Variants in DOCK10 observed in about 807,000 individuals in gnomAD.
The protein encoded by DOCK10 is dedicator of cytokinesis protein 10.
Under a neutral mutation model 280.1 loss-of-function variants are expected in DOCK10, and 145 were observed. The ratio of observed to expected loss-of-function variants is 0.52; its 90% CI spans 0.45 to 0.59. The LOEUF (loss-of-function observed/expected upper bound fraction) is 0.59. DOCK10 is among the 20% of genes least tolerant of loss of function. DOCK10 has a pLI of 0.00. For missense variants in DOCK10, 2,368 were observed against 2,651.7 expected, an observed-to-expected ratio of 0.89 and a Z score of 2.35; for synonymous variants, 915 against 942.2, an observed-to-expected ratio of 0.97 and a Z score of 0.53.
chr2:224,855,009 A>G lies in DOCK10; in HGVS notation c.1842T>C (p.Pro614=), dbSNP rs1358246325. 5.0e-6 allele frequency: 8 copies of G among 1,608,572 alleles called. No homozygotes were observed. The South Asian group carries it at 7.8e-5, about 16-fold the overall frequency. Residue 614 remains proline, a synonymous_variant, in exon 16 of 56, where the codon CCT becomes CCC. Coordinates refer to ENST00000258390, the MANE Select transcript of DOCK10 (RefSeq NM_014689.3). Reference sequence around the variant, plus strand: ...TGTCAACAGCAATATCCAGGCTTCCAGGAATGGTCTGCATTTTGCTTATTC... The same window carrying G: ...TGTCAACAGCAATATCCAGGCTTCCGGGAATGGTCTGCATTTTGCTTATTC... The part of the protein sequence containing the change: ...ADRISKMQTI[P]GSLDIAVDNV...
intron 1 of DOCK10, among the ~76,000 whole-genome samples, chr2:224,968,230 T>C (rs1038326781): frequency 3.9e-5 from 6 of 152,222 alleles, no homozygotes; most frequent in Non-Finnish European, 7.3e-5. Context: ...TCAGTATTTT[T>C]GCTGACCGAA....
chr2:224,979,772 T>C (rs1705650725), intron 1 of DOCK10, among the ~76,000 whole-genome samples: 1 of 152,238 alleles, frequency 6.6e-6, no homozygotes, highest in Non-Finnish European at 1.5e-5. Flanking sequence ...CCCGGCACTT[T>C]TCTAAGCACT....
chr2:225,011,258 T>C (rs1304969795), intron 1 of DOCK10, among the ~76,000 whole-genome samples: 2 of 151,998 alleles, frequency 1.3e-5, no homozygotes, highest in Admixed American at 1.3e-4. Context: ...GCTTTTCAGG[T>C]AGGTAGATAA....
At chr2:224,946,579 C>T (rs1190720207) in intron 1 of DOCK10, among the ~76,000 whole-genome samples, 3 of 152,106 alleles carry the variant, frequency 2.0e-5, no homozygotes, top group Non-Finnish European at 4.4e-5. Context: ...CTAAGATCAC[C>T]TTAAATTCCA....
chr2:224,872,215 T>G (rs564725203), intron 11 of DOCK10, among the ~76,000 whole-genome samples: 2 of 152,236 alleles, frequency 1.3e-5, no homozygotes, highest in Non-Finnish European at 2.9e-5. Context: ...ATAACTTGCA[T>G]GCAGTTTTGA....
At chr2:225,034,921 C>T (rs1690181258) in intron 1 of DOCK10, among the ~76,000 whole-genome samples, 1 of 152,164 alleles carries the variant, frequency 6.6e-6, no homozygotes, top group Non-Finnish European at 1.5e-5. Context: ...TATGAACTCT[C>T]ACCCTCCACT....
chr2:224,808,597 T>C (rs1478841098), intron 31 of DOCK10, among the ~76,000 whole-genome samples: 1 of 152,014 alleles, frequency 6.6e-6, no homozygotes, highest in Non-Finnish European at 1.5e-5. Context: ...AGCACGAGTA[T>C]GTGGGAGTCA....
chr2:224,865,873 T>A (rs11884260), intron 11 of DOCK10, among the ~76,000 whole-genome samples: 36,758 of 135,966 alleles, frequency 0.27, 5,171 homozygotes, highest in African/African-American at 0.49. Flanking sequence ...ACACACACAC[T>A]CTCTCTCTCT....
At chr2:224,941,060 A>T (rs941333037) in intron 1 of DOCK10, among the ~76,000 whole-genome samples, 1 of 152,208 alleles carries the variant, frequency 6.6e-6, no homozygotes, top group Non-Finnish European at 1.5e-5. Flanking sequence ...TTTTAAAATA[A>T]ATTACCCTGT....
intron 3 of DOCK10, among the ~76,000 whole-genome samples, chr2:224,908,415 TTGTGTGTG>T (rs57986119): frequency 0.011 from 1,586 of 141,178 alleles, 28 homozygotes; most frequent in African/African-American, 0.038. Context: ...TCATCATCGT[TTGTGTGTG>T]TGTGTGTGTG....
chr2:225,009,638 C>CAAAAAA (rs10639609), intron 1 of DOCK10, among the ~76,000 whole-genome samples: 2 of 135,566 alleles, frequency 1.5e-5, no homozygotes, highest in East Asian at 2.1e-4. Flanking sequence ...AGCCCTAAGG[C>CAAAAAA]AAAAAAAAAA....
intron 1 of DOCK10, among the ~76,000 whole-genome samples, chr2:224,938,221 T>G (rs1050129362): frequency 1.2e-4 from 19 of 152,208 alleles, no homozygotes; most frequent in African/African-American, 4.6e-4. Context: ...GATCCTGTGA[T>G]GCCATTTGGA....
At chr2:224,812,137 T>C (rs1423581271) in intron 31 of DOCK10, among the ~76,000 whole-genome samples, 1 of 152,218 alleles carries the variant, frequency 6.6e-6, no homozygotes, top group African/African-American at 2.4e-5. Flanking sequence ...GTTCTTCCAT[T>C]TGTTTGTATC....
intron 50 of DOCK10, chr2:224,784,711 G>C (rs1156463346): frequency 1.6e-6 from 2 of 1,289,600 alleles, no homozygotes; most frequent in African/African-American, 1.5e-5. Flanking sequence ...CATGCAAATG[G>C]AGAGCGAGAG....
In DOCK10 at chr2:224,884,752, GAAGA is replaced by G. The variant is rs140510399; in HGVS notation, c.747+915_747+918del. 6.4e-3 allele frequency among the ~76,000 whole-genome samples: 979 copies of G among 152,274 alleles called. 16 individuals are homozygous for G. The highest frequency in any genetic ancestry group is 0.021 in the African/African-American group (871 of 41,554). The stretch of plus-strand genomic sequence containing the variant: ...TGTCTTTGAAGACAGCCACCTCTTA[GAAGA>G]AAGATGCTGCATATGTACACTGTCA... On this transcript the variant is annotated intron_variant, in intron 7 of 55. Transcript: ENST00000258390.
intron 19 of DOCK10, among the ~76,000 whole-genome samples, chr2:224,848,720 G>T (rs555097395): frequency 5.3e-5 from 8 of 152,302 alleles, no homozygotes; most frequent in Admixed American, 3.3e-4. Context: ...GGCAAGGCTT[G>T]TTCCCTGTCA....
chr2:224,860,073 C>T (rs920336138), intron 14 of DOCK10, among the ~76,000 whole-genome samples: 1 of 152,154 alleles, frequency 6.6e-6, no homozygotes, highest in African/African-American at 2.4e-5. Context: ...AACCTACAAC[C>T]AGACCACTAA....
intron 3 of DOCK10, among the ~76,000 whole-genome samples, chr2:224,915,534 TAC>T (rs1461512176): frequency 1.3e-5 from 2 of 152,198 alleles, no homozygotes; most frequent in Non-Finnish European, 2.9e-5. Flanking sequence ...AGAAAATATG[TAC>T]AGTCATATTT....
In DOCK10 at chr2:224,765,835, A is replaced by G. The variant is rs1268004128; in HGVS notation, c.6447T>C (p.Ile2149=). ...SELSTVMNEQ[I]TGRDDLSKRG... ...GCTTTGACAGGTCGTCCCTGCCCGT[A>G]ATCTTAAAACAGGGAAAAACACAAC... The change falls in exon 56 of 56, where the codon ATT becomes ATC. Residue 2149 remains isoleucine, a splice_region_variant and synonymous_variant. Transcript: ENST00000258390. 3 of 1,612,890 alleles carry G rather than the reference A, an allele frequency of 1.9e-6. No homozygotes were observed. The highest frequency in any genetic ancestry group is 1.7e-5 in the Admixed American group (1 of 59,922).
Sources: allele counts gnomAD v4.1 joint callset (sites outside exome capture counted in the v4.1 genomes callset), GRCh38; gene constraint gnomAD v4.1.1; transcripts MANE v1.5; gene names NCBI Gene and HGNC (gene_info 2026-07-23, HGNC 2026-07-21).